ZNF407: variants seen among roughly 807,000 people sequenced by gnomAD.
ZNF407 encodes zinc finger protein 407.
A neutral mutation model predicts 131.2 loss-of-function variants in ZNF407; 17 were observed. The observed-to-expected ratio is 0.13, with a 90% CI of 0.09 to 0.19. The LOEUF is 0.19. Ranked by LOEUF, ZNF407 falls within the 10% of genes least tolerant of loss-of-function variation. The pLI is 1.00. For synonymous variants in ZNF407, 1,156 were observed against 1,062.0 expected, an observed-to-expected ratio of 1.09 and a Z score of -1.72; for missense variants, 2,681 against 2,830.6, an observed-to-expected ratio of 0.95 and a Z score of 1.20.
chr18:74,790,081 A>G (rs1969797798), intron 4 of ZNF407, among the ~76,000 whole-genome samples: 1 of 152,146 alleles, frequency 6.6e-6, no homozygotes, highest in South Asian at 2.1e-4. Flanking sequence ...AAGGTAATAT[A>G]CATGTTAATA....
At chr18:74,599,440 G>C (rs1229172768) in intron 1 of ZNF407, among the ~76,000 whole-genome samples, 1 of 152,150 alleles carries the variant, frequency 6.6e-6, no homozygotes, top group Non-Finnish European at 1.5e-5. Context: ...CTTGCTTTAT[G>C]CCAAACACCC....
intron 4 of ZNF407, among the ~76,000 whole-genome samples, chr18:74,831,137 T>A (rs1014374962): frequency 1.3e-5 from 2 of 152,222 alleles, no homozygotes; most frequent in Admixed American, 6.5e-5. Flanking sequence ...TTTCATTGTG[T>A]ATGTATATAT....
intron 3 of ZNF407, among the ~76,000 whole-genome samples, chr18:74,666,217 A>T (rs1461286476): frequency 2.6e-5 from 4 of 152,152 alleles, no homozygotes; most frequent in African/African-American, 9.7e-5. Context: ...GGCTACCATC[A>T]GCTTGCAGAT....
intron 7 of ZNF407, among the ~76,000 whole-genome samples, chr18:74,890,275 G>C (rs1231173514): frequency 6.6e-6 from 1 of 152,112 alleles, no homozygotes; most frequent in South Asian, 2.1e-4. Flanking sequence ...TACCCCACAC[G>C]TGTAGAGCCT....
In ZNF407 at chr18:74,872,059, C is replaced by T. The variant is rs180887200; in HGVS notation, c.4878-5138C>T. Among the ~76,000 whole-genome samples, 628 of 151,592 alleles carry T rather than the reference C, an allele frequency of 4.1e-3. 3 individuals carry two copies. The highest frequency in any genetic ancestry group is 0.014 in the African/African-American group (598 of 41,330). Reference sequence around the variant, plus strand: ...TAATTTTTGTATTTTTAGTAGAGACCGGGTTTCACTGTATTGGTCAGGCTG... The same window carrying T: ...TAATTTTTGTATTTTTAGTAGAGACTGGGTTTCACTGTATTGGTCAGGCTG... On this transcript the variant is annotated intron_variant, in intron 4 of 8. Coordinates refer to ENST00000299687, the MANE Select transcript of ZNF407 (RefSeq NM_017757.3).
At chr18:74,610,575 A>G (rs1289872885) in intron 1 of ZNF407, among the ~76,000 whole-genome samples, 1 of 152,058 alleles carries the variant, frequency 6.6e-6, no homozygotes, top group Non-Finnish European at 1.5e-5. Flanking sequence ...TTTGTTGAGA[A>G]GTCTCGTTCT....
chr18:74,642,090 G>A (rs557125413), intron 3 of ZNF407, among the ~76,000 whole-genome samples: 1 of 151,948 alleles, frequency 6.6e-6, no homozygotes. Context: ...TCAAAAACAA[G>A]TTCTGTTATT....
chr18:75,008,516 G>A (rs1016490793), intron 8 of ZNF407, among the ~76,000 whole-genome samples: 91 of 152,176 alleles, frequency 6.0e-4, no homozygotes, highest in African/African-American at 2.0e-3. Context: ...CCGGATAGTG[G>A]CGTTTTTCAT....
chr18:74,745,289 A>G (rs574007846), intron 3 of ZNF407, among the ~76,000 whole-genome samples: 1 of 152,166 alleles, frequency 6.6e-6, no homozygotes, highest in African/African-American at 2.4e-5. Context: ...AGAGTTATTT[A>G]AAAAAGTTTT....
chr18:74,969,783 T>G (rs1332588120), intron 8 of ZNF407, among the ~76,000 whole-genome samples: 2 of 152,230 alleles, frequency 1.3e-5, no homozygotes, highest in Non-Finnish European at 2.9e-5. Flanking sequence ...TGCTTATTTT[T>G]CAACCAGGCA....
intron 4 of ZNF407, among the ~76,000 whole-genome samples, chr18:74,842,600 A>ATG (rs10533228): frequency 3.5e-4 from 52 of 150,448 alleles, no homozygotes; most frequent in Middle Eastern, 3.4e-3. Context: ...TTCCCTAGTG[A>ATG]TGTGTGTGTG....
Position 74,898,122 on chromosome 18 carries a change from G to A in ZNF407, c.5249+8084G>A, listed in dbSNP as rs1443725109. On this transcript the variant is annotated intron_variant, in intron 7 of 8. Transcript: ENST00000299687. ...ACATTTGGAAAATGGTGATGCCGTC[G>A]TTTTTATGAAGCAGAGGAAGACAGA... 7.9e-5 allele frequency: 12 copies of A among 152,294 alleles called. No homozygotes were observed. In the East Asian group the frequency reaches 1.3e-3, roughly 17 times the overall value. 9.4% of individuals were successfully genotyped at this position (152,294 alleles called of 1,614,324 possible).
intron 3 of ZNF407, among the ~76,000 whole-genome samples, chr18:74,716,136 C>T (rs1338792548): frequency 6.6e-6 from 1 of 152,180 alleles, no homozygotes; most frequent in Non-Finnish European, 1.5e-5. Flanking sequence ...GCTCCAAGCC[C>T]TTTTGGCAGG....
At chr18:75,019,283 A>AT (rs1202233222) in intron 8 of ZNF407, among the ~76,000 whole-genome samples, 2 of 152,154 alleles carry the variant, frequency 1.3e-5, no homozygotes, top group African/African-American at 4.8e-5. Flanking sequence ...TTAAGGTAAG[A>AT]TTTTGTGACC....
intron 3 of ZNF407, among the ~76,000 whole-genome samples, chr18:74,743,798 T>A (rs1257182175): frequency 6.6e-6 from 1 of 152,022 alleles, no homozygotes; most frequent in Non-Finnish European, 1.5e-5. Context: ...ATTAAAGGCT[T>A]CCTGCTTATA....
chr18:74,845,570 A>G (rs1970691333), intron 4 of ZNF407, among the ~76,000 whole-genome samples: 2 of 152,244 alleles, frequency 1.3e-5, no homozygotes, highest in African/African-American at 4.8e-5. Flanking sequence ...AAAATTCTAC[A>G]AAGTTCATAA....
chr18:74,972,595 C>T (rs1415458854), intron 8 of ZNF407, among the ~76,000 whole-genome samples: 1 of 152,168 alleles, frequency 6.6e-6, no homozygotes, highest in Non-Finnish European at 1.5e-5. Context: ...ACCTTGATTT[C>T]CTTTGGCTTC....
chr18:74,939,822 A>C (rs529686372), intron 8 of ZNF407, among the ~76,000 whole-genome samples: 5 of 152,354 alleles, frequency 3.3e-5, no homozygotes, highest in Middle Eastern at 3.4e-3. Context: ...TTTTCCAGTT[A>C]AGATATTGAG....
intron 3 of ZNF407, among the ~76,000 whole-genome samples, chr18:74,672,300 C>T (rs886555896): frequency 1.5e-4 from 23 of 152,178 alleles, no homozygotes; most frequent in African/African-American, 5.5e-4. Flanking sequence ...CTCTAATGAT[C>T]AGTGATACTG....
Sources: allele counts gnomAD v4.1 joint callset (sites outside exome capture counted in the v4.1 genomes callset), GRCh38; gene constraint gnomAD v4.1.1; transcripts MANE v1.5; gene names NCBI Gene and HGNC (gene_info 2026-07-23, HGNC 2026-07-21).